The following INPP5B variants were observed in gnomAD, a reference collection of about 807,000 sequenced individuals.
INPP5B encodes the protein type II inositol 1,4,5-trisphosphate 5-phosphatase.
A neutral mutation model predicts 118.5 loss-of-function variants in INPP5B; 90 were observed. That is an observed-to-expected ratio of 0.76 (90% CI 0.64 to 0.90). The LOEUF (loss-of-function observed/expected upper bound fraction) is 0.90. Among genes scored for constraint, INPP5B ranks in the 40% least tolerant of loss-of-function variants. INPP5B has a pLI of 0.00. For synonymous variants in INPP5B, 385 were observed against 418.9 expected (o/e 0.92, Z 0.99); for missense variants, 984 against 1,125.6 (o/e 0.87, Z 1.80).
chr1:37,922,800 C>T (rs1365245685), intron 7 of INPP5B, among the ~76,000 whole-genome samples: 1 of 152,240 alleles, frequency 6.6e-6, no homozygotes, highest in Non-Finnish European at 1.5e-5. Flanking sequence ...ATCCAATTTG[C>T]ACCCTGTGCA....
chr1:37,933,968 C>G (rs1298808049), intron 6 of INPP5B, among the ~76,000 whole-genome samples: 1 of 151,282 alleles, frequency 6.6e-6, no homozygotes, highest in African/African-American at 2.4e-5. Context: ...AACTCTTGCT[C>G]TGTCGCCCAG....
At chr1:37,917,339 T>TATATATATATATATATATATATATATA (rs1557694463) in intron 7 of INPP5B, among the ~76,000 whole-genome samples, 13 of 120,676 alleles carry the variant, frequency 1.1e-4, no homozygotes, top group Non-Finnish European at 1.9e-4. Context: ...TATATATATA[T>TATATATATATATATATATATATATATA]TTGAGAAAGG....
chr1:37,863,922 C>T (rs9660804), intron 23 of INPP5B, among the ~76,000 whole-genome samples: 6,880 of 150,738 alleles, frequency 0.046, 210 homozygotes, highest in Admixed American at 0.075. Flanking sequence ...TCAAGCGATT[C>T]TCCTAACTCA....
intron 7 of INPP5B, among the ~76,000 whole-genome samples, chr1:37,895,709 T>A (rs919574208): frequency 6.6e-6 from 1 of 152,120 alleles, no homozygotes; most frequent in Non-Finnish European, 1.5e-5. Flanking sequence ...GAGACGGGGA[T>A]TCGCTGTGTT....
At chr1:37,903,386 G>A (rs1311505025) in intron 7 of INPP5B, among the ~76,000 whole-genome samples, 1 of 152,082 alleles carries the variant, frequency 6.6e-6, no homozygotes, top group African/African-American at 2.4e-5. Context: ...TCTAAAATGG[G>A]GAGGCTTGAA....
At chr1:37,926,613 A>T (rs933754935) in intron 7 of INPP5B, among the ~76,000 whole-genome samples, 5 of 151,330 alleles carry the variant, frequency 3.3e-5, no homozygotes, top group Non-Finnish European at 7.4e-5. Context: ...ACTTTGGATT[A>T]AAAAAAAACA....
intron 7 of INPP5B, 166 bp downstream of exon 7, chr1:37,931,747 C>T: frequency 1.3e-6 from 2 of 1,598,378 alleles, no homozygotes; most frequent in Non-Finnish European, 8.5e-7. Flanking sequence ...CTCATCCCGC[C>T]GCCCGTCCCG....
intron 7 of INPP5B, among the ~76,000 whole-genome samples, chr1:37,892,168 A>G (rs1643869551): frequency 6.6e-6 from 1 of 152,222 alleles, no homozygotes; most frequent in Non-Finnish European, 1.5e-5. Flanking sequence ...CCTTCTTCAC[A>G]GGTTTAATGT....
In INPP5B at chr1:37,882,845, C is replaced by A; in HGVS notation, c.1393G>T (p.Glu465Ter). 1 of 1,614,132 alleles carries A rather than the reference C, an allele frequency of 6.2e-7. No individual in the cohort carries two copies. Residue 465 changes from glutamate to a stop codon, truncating the protein, a stop_gained, in exon 14 of 24, where the codon GAA becomes TAA. Transcript: ENST00000373024. LOFTEE classifies it high-confidence loss of function. ...LDVEKVKKLI[E>*]EKDFQMLYAY... ...TACAGCATTTGAAAGTCCTTCTCTT[C>A]GATGAGCTTTTTCACTTTTTCCACA...
At chr1:37,896,631 C>T (rs1160854109) in intron 7 of INPP5B, among the ~76,000 whole-genome samples, 51 of 134,950 alleles carry the variant, frequency 3.8e-4, no homozygotes, top group South Asian at 1.2e-3. Flanking sequence ...CCAGCCGCCC[C>T]GTCCGGGAGG....
chr1:37,902,617 GCA>G (rs1310302370), intron 7 of INPP5B, among the ~76,000 whole-genome samples: 1 of 152,082 alleles, frequency 6.6e-6, no homozygotes, highest in East Asian at 1.9e-4. Flanking sequence ...GAGTGCAATG[GCA>G]CAATCTCGGC....
chr1:37,932,706 G>A (rs1190157366), intron 6 of INPP5B, among the ~76,000 whole-genome samples: 1 of 152,102 alleles, frequency 6.6e-6, no homozygotes, highest in Non-Finnish European at 1.5e-5. Flanking sequence ...CAAGTTCAGA[G>A]AGGTTAAGTC....
chr1:37,897,979 C>A (rs1261816452), intron 7 of INPP5B, among the ~76,000 whole-genome samples: 2 of 151,932 alleles, frequency 1.3e-5, no homozygotes, highest in Non-Finnish European at 2.9e-5. Flanking sequence ...ACATAAAAAC[C>A]TGCACAGAAA....
chr1:37,921,675 T>C (rs1645059278), intron 7 of INPP5B, among the ~76,000 whole-genome samples: 1 of 151,922 alleles, frequency 6.6e-6, no homozygotes. Context: ...GGTGAAACCC[T>C]GTCTCTACTA....
At chr1:37,868,199 GCTA>G (rs1642164662) in intron 20 of INPP5B, among the ~76,000 whole-genome samples, 1 of 151,796 alleles carries the variant, frequency 6.6e-6, no homozygotes, top group Non-Finnish European at 1.5e-5. Context: ...TGTAATCCCA[GCTA>G]CCTGGGAGAC....
At chr1:37,898,650 G>C (rs972548033) in intron 7 of INPP5B, among the ~76,000 whole-genome samples, 3 of 151,314 alleles carry the variant, frequency 2.0e-5, no homozygotes, top group African/African-American at 7.3e-5. Context: ...AGCCGAGATC[G>C]CGCCACTGCA....
intron 7 of INPP5B, among the ~76,000 whole-genome samples, chr1:37,926,113 C>T (rs1300084229): frequency 6.6e-6 from 1 of 152,190 alleles, no homozygotes; most frequent in African/African-American, 2.4e-5. Flanking sequence ...GGCTATTTTG[C>T]TAACATGCTC....
At chr1:37,946,384 G>A (rs929317521) in intron 1 of INPP5B, 50 bp from the exon 2 acceptor site, 2 of 1,416,920 alleles carry the variant, frequency 1.4e-6, no homozygotes, top group South Asian at 2.4e-5. Context: ...GTTACGCATG[G>A]GGTGGTGGAG....
At position 37,889,552 on chromosome 1, in the gene INPP5B, GC is replaced by G; in HGVS notation, c.797+4del. 6.2e-7 allele frequency: 1 copy of G among 1,607,970 alleles called. No homozygotes were observed. The highest frequency in any genetic ancestry group is 8.5e-7 in the Non-Finnish European group (1 of 1,176,780). The stretch of plus-strand genomic sequence containing the variant: ...CTGAAAACATCCTAGAACCCAGTTA[GC>G]TACCTGAAGTTCTGGATATAGGTGT... On this transcript the variant is annotated splice_donor_region_variant and intron_variant, in intron 9 of 23. Transcript: ENST00000373024.
Sources: allele counts gnomAD v4.1 joint callset (sites outside exome capture counted in the v4.1 genomes callset), GRCh38; gene constraint gnomAD v4.1.1; transcripts MANE v1.5; gene names NCBI Gene and HGNC (gene_info 2026-07-23, HGNC 2026-07-21).